The following CENPP variants were observed in gnomAD, a reference collection of about 807,000 sequenced individuals.
CENPP encodes centromere protein P.
Under a neutral mutation model 35.6 loss-of-function variants are expected in CENPP, and 24 were observed. That is an observed-to-expected ratio of 0.67 (90% confidence interval 0.49 to 0.95). The LOEUF is 0.95. CENPP is among the 40% of genes least tolerant of loss of function. The pLI is 0.00. For missense variants in CENPP, 332 were observed against 345.3 expected (o/e 0.96, Z 0.31); for synonymous variants, 120 against 125.5 (o/e 0.96, Z 0.29).
intron 5 of CENPP, among the ~76,000 whole-genome samples, chr9:92,507,529 T>C: frequency 6.6e-6 from 1 of 152,158 alleles, no homozygotes; most frequent in East Asian, 1.9e-4. Flanking sequence ...GAACGTTTCT[T>C]GTAGGTGAGA....
At chr9:92,406,756 G>A (rs1349725516) in intron 5 of CENPP, among the ~76,000 whole-genome samples, 1 of 152,106 alleles carries the variant, frequency 6.6e-6, no homozygotes, top group African/African-American at 2.4e-5. Flanking sequence ...TTTCTTGCTA[G>A]CTGTTGACTG....
At chr9:92,365,916 C>T (rs1841875939) in intron 4 of CENPP, among the ~76,000 whole-genome samples, 1 of 151,580 alleles carries the variant, frequency 6.6e-6, no homozygotes, top group African/African-American at 2.4e-5. Context: ...CATGGTGGCT[C>T]ACGCCTGTAA....
At chr9:92,449,339 G>C (rs1483853562) in intron 5 of CENPP, among the ~76,000 whole-genome samples, 1 of 148,884 alleles carries the variant, frequency 6.7e-6, no homozygotes, top group African/African-American at 2.5e-5. Flanking sequence ...TACTCAGGAG[G>C]CTGAGGCAGA....
At chr9:92,389,159 G>T (rs1472186061) in intron 5 of CENPP, among the ~76,000 whole-genome samples, 1 of 152,050 alleles carries the variant, frequency 6.6e-6, no homozygotes, top group Non-Finnish European at 1.5e-5. Context: ...TACCAGCAAT[G>T]GCATGGTCAT....
intron 5 of CENPP, among the ~76,000 whole-genome samples, chr9:92,427,420 C>T (rs1281643639): frequency 6.6e-6 from 1 of 152,168 alleles, no homozygotes; most frequent in Non-Finnish European, 1.5e-5. Flanking sequence ...GCCTCAGCCT[C>T]CCAAAGTGCT....
At chr9:92,442,134 A>G (rs1280678065) in intron 5 of CENPP, among the ~76,000 whole-genome samples, 1 of 152,186 alleles carries the variant, frequency 6.6e-6, no homozygotes, top group East Asian at 1.9e-4. Context: ...ACAGTGGCTC[A>G]CACCTGTAAT....
chr9:92,378,011 C>T (rs1427515041), intron 4 of CENPP, among the ~76,000 whole-genome samples: 3 of 152,180 alleles, frequency 2.0e-5, no homozygotes, highest in Admixed American at 6.5e-5. Flanking sequence ...GGAAAGTTAA[C>T]AGAGCAACCC....
At chr9:92,482,655 A>G (rs938201354) in intron 5 of CENPP, 1 of 152,260 alleles carries the variant, frequency 6.6e-6, no homozygotes, top group Non-Finnish European at 1.5e-5. Flanking sequence ...GCAACTGGCC[A>G]TTGAAAGTGC....
At chr9:92,484,578 T>G (rs1040625468) in intron 5 of CENPP, among the ~76,000 whole-genome samples, 5 of 152,244 alleles carry the variant, frequency 3.3e-5, no homozygotes, top group Admixed American at 3.3e-4. Flanking sequence ...CATGTGTATG[T>G]ATTTTTGTTA....
chr9:92,358,389 C>T (rs1841649937), intron 4 of CENPP, among the ~76,000 whole-genome samples: 1 of 151,862 alleles, frequency 6.6e-6, no homozygotes, highest in African/African-American at 2.4e-5. Context: ...ATTACAGGTG[C>T]CTGCTGCCAC....
At chr9:92,571,754 C>T (rs1850145902) in intron 5 of CENPP, among the ~76,000 whole-genome samples, 1 of 152,136 alleles carries the variant, frequency 6.6e-6, no homozygotes, top group African/African-American at 2.4e-5. Flanking sequence ...CTCTATGAAT[C>T]TGGGTGCTCC....
intron 5 of CENPP, among the ~76,000 whole-genome samples, chr9:92,523,077 A>C (rs1239421865): frequency 6.6e-6 from 1 of 151,788 alleles, no homozygotes; most frequent in East Asian, 1.9e-4. Context: ...AGAATCAAAA[A>C]ACTTTTTTTT....
In CENPP at chr9:92,572,408, A is replaced by C. The variant is rs545518949; in HGVS notation, c.565-38906A>C. Among the ~76,000 whole-genome samples, 28 of 152,308 alleles carry C rather than the reference A, an allele frequency of 1.8e-4. No homozygotes were observed. The East Asian group carries it at 5.2e-3, about 28-fold the overall frequency. On this transcript the variant is annotated intron_variant, in intron 5 of 7. Transcript: ENST00000375587. The stretch of plus-strand genomic sequence containing the variant: ...AAATTCTTTTCTTTAAGAATGTTGA[A>C]TATCGGCCCCCACTCTCTTCTTGCT...
At chr9:92,574,737 G>A (rs550141401) in intron 5 of CENPP, among the ~76,000 whole-genome samples, 1 of 152,154 alleles carries the variant, frequency 6.6e-6, no homozygotes, top group Non-Finnish European at 1.5e-5. Flanking sequence ...AATTCACATG[G>A]AATCTCAAGG....
chr9:92,449,796 C>A (rs887949659), intron 5 of CENPP, among the ~76,000 whole-genome samples: 1 of 152,152 alleles, frequency 6.6e-6, no homozygotes, highest in African/African-American at 2.4e-5. Flanking sequence ...CCTTCTCCTT[C>A]CGCCATCATT....
intron 5 of CENPP, among the ~76,000 whole-genome samples, chr9:92,547,067 ATAAT>A (rs1849480676): frequency 6.6e-6 from 1 of 152,198 alleles, no homozygotes; most frequent in African/African-American, 2.4e-5. Flanking sequence ...CAATATATAA[ATAAT>A]ATATTATGAT....
chr9:92,581,216 A>C (rs1365194907), intron 5 of CENPP, among the ~76,000 whole-genome samples: 1 of 152,160 alleles, frequency 6.6e-6, no homozygotes, highest in Non-Finnish European at 1.5e-5. Context: ...ACTTTAGCAG[A>C]AAACGAGAGG....
chr9:92,397,687 G>A (rs141511538), intron 5 of CENPP, among the ~76,000 whole-genome samples: 1 of 152,284 alleles, frequency 6.6e-6, no homozygotes, highest in Non-Finnish European at 1.5e-5. Flanking sequence ...GGTGCTGGGT[G>A]TGCTCATTGC....
chr9:92,365,873 A>C (rs1021563853), intron 4 of CENPP, among the ~76,000 whole-genome samples: 1 of 152,010 alleles, frequency 6.6e-6, no homozygotes, highest in African/African-American at 2.4e-5. Flanking sequence ...AAAATGAAAG[A>C]ACTGGAAATA....
Sources: gnomAD v4.1 joint callset for allele counts (sites outside exome capture counted in the v4.1 genomes callset) on GRCh38, gnomAD v4.1.1 for gene constraint, MANE v1.5 for transcripts, NCBI Gene and HGNC (gene_info 2026-07-23, HGNC 2026-07-21) for gene names.